C12orf56: variants seen among roughly 807,000 people sequenced by gnomAD.
The protein encoded by C12orf56 is uncharacterized protein C12orf56.
In C12orf56, 71 loss-of-function variants were observed where a neutral mutation model predicts 69.9. The ratio of observed to expected loss-of-function variants is 1.02; its 90% confidence interval spans 0.84 to 1.24. C12orf56 has a LOEUF of 1.24. Among genes scored for constraint, C12orf56 ranks in the 50% most tolerant of loss-of-function variants. The pLI is 0.00. For synonymous variants in C12orf56, 276 were observed against 274.1 expected (o/e 1.01, Z -0.07); for missense variants, 732 against 738.5 (o/e 0.99, Z 0.10).
chr12:64,359,407 A>C (rs576779648), intron 1 of C12orf56, among the ~76,000 whole-genome samples: 67 of 152,324 alleles, frequency 4.4e-4, no homozygotes, highest in South Asian at 2.3e-3. Context: ...TTTTGTTACC[A>C]GGGCCCCAAG....
intron 2 of C12orf56, among the ~76,000 whole-genome samples, chr12:64,340,455 T>G (rs2039060362): frequency 6.6e-6 from 1 of 152,108 alleles, no homozygotes; most frequent in African/African-American, 2.4e-5. Flanking sequence ...TCCCCTGAGA[T>G]CATACATAAC....
chr12:64,283,580 G>A (rs909200229), intron 8 of C12orf56, among the ~76,000 whole-genome samples: 1 of 152,066 alleles, frequency 6.6e-6, no homozygotes, highest in Non-Finnish European at 1.5e-5. Context: ...CTCACCAGGA[G>A]AATGTGAGCA....
At chr12:64,274,305 G>T (rs1369831164) in intron 11 of C12orf56, among the ~76,000 whole-genome samples, 2 of 152,232 alleles carry the variant, frequency 1.3e-5, no homozygotes, top group Non-Finnish European at 2.9e-5. Context: ...GAGGCTGAGG[G>T]ACCAGAGGAA....
intron 1 of C12orf56, among the ~76,000 whole-genome samples, chr12:64,376,724 T>G (rs560478945): frequency 5.4e-4 from 82 of 152,284 alleles, no homozygotes; most frequent in African/African-American, 1.8e-3. Context: ...TAGTTTTCTG[T>G]TCCTGCATTA....
At chr12:64,324,554 G>A (rs1275496367) in intron 3 of C12orf56, among the ~76,000 whole-genome samples, 3 of 152,214 alleles carry the variant, frequency 2.0e-5, no homozygotes, top group African/African-American at 7.2e-5. Flanking sequence ...GAAAGAGTTT[G>A]CAGTGCTCCA....
intron 2 of C12orf56, among the ~76,000 whole-genome samples, chr12:64,346,441 A>G (rs1002373386): frequency 2.0e-5 from 3 of 152,206 alleles, no homozygotes; most frequent in Non-Finnish European, 4.4e-5. Flanking sequence ...TCCTTTGACA[A>G]CACCTTCACA....
chr12:64,363,584 T>C (rs1192921550), intron 1 of C12orf56, among the ~76,000 whole-genome samples: 2 of 152,138 alleles, frequency 1.3e-5, no homozygotes, highest in African/African-American at 2.4e-5. Flanking sequence ...TTGAATTGTA[T>C]TCTTTGGAAC....
intron 6 of C12orf56, among the ~76,000 whole-genome samples, chr12:64,297,284 G>A (rs764801248): frequency 4.6e-5 from 7 of 152,198 alleles, no homozygotes; most frequent in Non-Finnish European, 8.8e-5. Context: ...GGATTAGACA[G>A]AAGAACATAA....
chr12:64,353,232 A>T (rs2039258828), intron 1 of C12orf56, among the ~76,000 whole-genome samples, 176 bp from the exon 2 acceptor site: 1 of 151,988 alleles, frequency 6.6e-6, no homozygotes, highest in Non-Finnish European at 1.5e-5. Flanking sequence ...ATCTCAACTC[A>T]TTGCAACCTC....
chr12:64,286,838 T>A (rs758311742), intron 6 of C12orf56, among the ~76,000 whole-genome samples: 1 of 152,072 alleles, frequency 6.6e-6, no homozygotes. Context: ...TGATATGGCA[T>A]GAGAAGAGGC....
chr12:64,378,365 G>A (rs767667709), intron 1 of C12orf56, among the ~76,000 whole-genome samples: 39 of 151,998 alleles, frequency 2.6e-4, no homozygotes, highest in Non-Finnish European at 2.1e-4. Context: ...TGGTGAATAA[G>A]CAAACATGTG....
At chr12:64,360,857 C>T (rs2039390570) in intron 1 of C12orf56, among the ~76,000 whole-genome samples, 1 of 152,088 alleles carries the variant, frequency 6.6e-6, no homozygotes, top group African/African-American at 2.4e-5. Flanking sequence ...AACAAAAAAC[C>T]TTTGGTATAA....
intron 6 of C12orf56, among the ~76,000 whole-genome samples, chr12:64,294,904 A>T (rs1464948698): frequency 3.3e-5 from 5 of 150,298 alleles, no homozygotes; most frequent in African/African-American, 1.2e-4. Flanking sequence ...AGAAAAAAAA[A>T]TTTTTTTTTT....
At chr12:64,381,732 CA>C (rs1175429459) in intron 1 of C12orf56, among the ~76,000 whole-genome samples, 2 of 152,044 alleles carry the variant, frequency 1.3e-5, no homozygotes, top group Non-Finnish European at 2.9e-5. Context: ...AGAAACTGGA[CA>C]GGGGGCAACA....
chr12:64,390,231 C>T, intron 1 of C12orf56, 83 bp downstream of exon 1: 1 of 1,458,834 alleles, frequency 6.9e-7, no homozygotes, highest in South Asian at 1.4e-5. Context: ...CAGCCCTCCC[C>T]GCGCAGGAGG....
chr12:64,296,711 G>A (rs982452314), intron 6 of C12orf56, among the ~76,000 whole-genome samples: 9 of 152,178 alleles, frequency 5.9e-5, no homozygotes, highest in Non-Finnish European at 1.3e-4. Flanking sequence ...GTCCCCCAAA[G>A]TTCATGTTTT....
chr12:64,304,656 T>C (rs2038488000), intron 5 of C12orf56, among the ~76,000 whole-genome samples: 2 of 152,192 alleles, frequency 1.3e-5, no homozygotes, highest in South Asian at 4.1e-4. Context: ...GGTTAAATAT[T>C]GTTTCCCCCT....
At chr12:64,302,975 A>T (rs73116150) in intron 6 of C12orf56, among the ~76,000 whole-genome samples, 2 of 152,180 alleles carry the variant, frequency 1.3e-5, no homozygotes, top group Non-Finnish European at 2.9e-5. Context: ...GTGTCTATTT[A>T]AAAAATAAAC....
At chr12:64,295,949 T>C (rs140587450) in intron 6 of C12orf56, among the ~76,000 whole-genome samples, 83 of 152,278 alleles carry the variant, frequency 5.5e-4, no homozygotes, top group African/African-American at 1.9e-3. Context: ...TGATGGTTAA[T>C]TTTAGGTGTA....
Sources: gnomAD v4.1 joint callset for allele counts (sites outside exome capture counted in the v4.1 genomes callset) on GRCh38, gnomAD v4.1.1 for gene constraint, MANE v1.5 for transcripts, NCBI Gene and HGNC (gene_info 2026-07-23, HGNC 2026-07-21) for gene names.